KCNH4: variants seen among roughly 807,000 people sequenced by gnomAD.
KCNH4 encodes the protein voltage-gated delayed rectifier potassium channel KCNH4.
In KCNH4, 33 loss-of-function variants were observed where a neutral mutation model predicts 90.7. The observed-to-expected ratio is 0.36, with a 90% CI of 0.28 to 0.49. The LOEUF (loss-of-function observed/expected upper bound fraction) is 0.49, where lower values mean the gene tolerates loss of function less well. KCNH4 is among the 20% of genes least tolerant of loss of function. The pLI, the probability that KCNH4 is intolerant of heterozygous loss-of-function variation, is 0.98. For missense variants in KCNH4, 1,044 were observed against 1,387.1 expected, an observed-to-expected ratio of 0.75 and a Z score of 3.93; for synonymous variants, 551 against 581.7, an observed-to-expected ratio of 0.95 and a Z score of 0.76.
Position 42,165,468 on chromosome 17 carries a change from C to A in KCNH4, c.2066G>T (p.Arg689Leu). 6.2e-7 allele frequency: 1 copy of A among 1,614,056 alleles called. No homozygotes were observed. Among genetic ancestry groups the A allele is most frequent in the Non-Finnish European group, 8.5e-7 (1 of 1,180,008 alleles). Reference sequence around the variant, plus strand: ...ACATACACTGGTGTCAGAGCCCTGGCGCAGGTTGAAGGTGAGGTCCCGGGG... The same window carrying A: ...ACATACACTGGTGTCAGAGCCCTGGAGCAGGTTGAAGGTGAGGTCCCGGGG... ...GLPRDLTFNLRQGSDTSGLSR... is the reference protein window; with the variant it reads ...GLPRDLTFNLLQGSDTSGLSR... The change falls in exon 11 of 17, where the codon CGC becomes CTC. Residue 689 changes from arginine to leucine, a missense_variant. This residue lies in a region of KCNH4 where 441 missense variants were observed against 512.3 expected (regional missense o/e 0.86). Coordinates refer to ENST00000264661, the MANE Select transcript of KCNH4 (RefSeq NM_012285.3).
In KCNH4 at chr17:42,162,263, G is replaced by A; in HGVS notation, c.2643C>T (p.Cys881=). ...CCCAACCCACCTCCTGGTTCAGCCG[G>A]CAAACCTTTTCCTTCACCTCCTCAG... is the stretch of plus-strand genomic sequence containing the variant. ...SEAEEVKEKV[C]RLNQEISRLN... is the part of the protein sequence containing the mutation. Residue 881 remains cysteine, a synonymous_variant, in exon 15 of 17, where the codon TGC becomes TGT. Transcript: ENST00000264661. 6.2e-7 allele frequency: 1 copy of A among 1,613,924 alleles called. No individual in the cohort carries two copies. The highest frequency in any genetic ancestry group is 1.3e-5 in the African/African-American group (1 of 75,008).
At chr17:42,173,990 T>C (rs1302856494) in intron 6 of KCNH4, among the ~76,000 whole-genome samples, 1 of 151,720 alleles carries the variant, frequency 6.6e-6, no homozygotes, top group African/African-American at 2.4e-5. Context: ...GGTGATCCAC[T>C]GCGCCCGGCC....
chr17:42,174,930 G>A (rs1360864450), intron 6 of KCNH4, among the ~76,000 whole-genome samples: 2 of 152,128 alleles, frequency 1.3e-5, no homozygotes, highest in Non-Finnish European at 2.9e-5. Context: ...CACCCTTTAA[G>A]GTCTAGCTAT....
rs112759567 is a variant in KCNH4 at position 42,166,381 on chromosome 17, G to A, written c.1756C>T (p.Arg586Cys). 6.2e-5 allele frequency: 100 copies of A among 1,613,824 alleles called. 1 individual carries two copies. The African/African-American group carries it at 7.7e-4, about 12-fold the overall frequency. ...FCAPGEYLLR[R>C]GDALQAHYYV... ...TAATGTGCCTGCAGGGCATCCCCAC[G>A]GCGCAACAGGTACTCGCCCGGAGCG... The change falls in exon 10 of 17, where the codon CGT (arginine) becomes TGT (cysteine). Residue 586 changes from arginine (R) to cysteine (C), a missense_variant. By Grantham distance (180) the Arg-to-Cys change is radical. Transcript: ENST00000264661.
In KCNH4 at chr17:42,163,621, G is replaced by A. The variant is rs773305892; in HGVS notation, c.2462C>T (p.Pro821Leu). 2.0e-5 allele frequency: 29 copies of A among 1,480,058 alleles called. No individual in the cohort carries two copies. The highest frequency in any genetic ancestry group is 5.4e-5 in the South Asian group (4 of 73,838). 91.7% of individuals were successfully genotyped at this position (1,480,058 alleles called of 1,614,324 possible). A position where few individuals can be genotyped will look rare whatever the true frequency, so the allele number is the denominator to read the frequency against. Residue 821 changes from proline to leucine, a missense_variant, in exon 13 of 17, where the codon CCG (proline) becomes CTG (leucine). Around this residue, in one of 4 missense-constraint regions of KCNH4, gnomAD observed 441 missense variants for 512.3 expected, o/e 0.86. Coordinates refer to ENST00000264661, the MANE Select transcript of KCNH4 (RefSeq NM_012285.3). This position sits in a 1 kb window ranked among gnomAD's most constrained non-coding sequence, Gnocchi z 5.4. The part of the protein sequence containing the change: ...LIPPLGTFGP[P>L]DLSPRIVDGI... ...GGCGTCTCACCGGGGACTGAGGTCC[G>A]GAGGTCCAAAGGTTCCCAGTGGGGG...
rs1169563043 is a variant in KCNH4, at chr17:42,163,964, G to A, written c.2125-6C>T. ...CCGAGGCTTTCTGAGCGGGGCTGCG[G>A]GCAGAGGGGGCAGCTGATGTCGCAG... On this transcript the variant is annotated splice_polypyrimidine_tract_variant and splice_region_variant and intron_variant, in intron 12 of 16. Transcript: ENST00000264661. The surrounding 1 kb of genome is among the most constrained non-coding windows in gnomAD (Gnocchi z 5.4). The A allele has an allele frequency of 6.5e-7, 1 of 1,527,040 alleles. No homozygotes were observed. The highest frequency in any genetic ancestry group is 8.8e-7 in the Non-Finnish European group (1 of 1,137,032). 94.6% of individuals were successfully genotyped at this position (1,527,040 alleles called of 1,614,324 possible).
chr17:42,157,850 C>G (rs1433575271), intron 16 of KCNH4, among the ~76,000 whole-genome samples: 1 of 152,008 alleles, frequency 6.6e-6, no homozygotes, highest in Non-Finnish European at 1.5e-5. Flanking sequence ...CTCCTGGATT[C>G]AAGTCATCCT....
intron 1 of KCNH4, among the ~76,000 whole-genome samples, chr17:42,179,978 T>A (rs905463126): frequency 2.6e-5 from 4 of 152,182 alleles, no homozygotes; most frequent in Admixed American, 6.5e-5. Context: ...GGGATGACTG[T>A]CTGGGGGCAG....
chr17:42,180,754 G>T lies in KCNH4; in HGVS notation c.76+116C>A, dbSNP rs1015506835. 106 of 1,053,288 alleles carry T rather than the reference G, an allele frequency of 1.0e-4. No individual in the cohort carries two copies. The highest frequency in any genetic ancestry group is 8.4e-4 in the Middle Eastern group (4 of 4,780). The allele number at this position is 1,053,288 out of a possible 1,614,324, so 65.2% of individuals were successfully genotyped here. A position where few individuals can be genotyped will look rare whatever the true frequency, so the allele number is the denominator to read the frequency against. On this transcript the variant is annotated intron_variant, in intron 1 of 16. Coordinates refer to ENST00000264661, the MANE Select transcript of KCNH4 (RefSeq NM_012285.3). The surrounding 1 kb of genome is among the most constrained non-coding windows in gnomAD (Gnocchi z 4.7). ...CGCGGCTTTGGGAGTTCCTAGACCCGCACCTCCATTCTCTCCCCTCGCCTC... is the reference window on the plus strand; with the variant it reads ...CGCGGCTTTGGGAGTTCCTAGACCCTCACCTCCATTCTCTCCCCTCGCCTC...
intron 1 of KCNH4, 43 bp from the exon 2 acceptor site, chr17:42,179,069 G>C: frequency 2.7e-6 from 4 of 1,477,250 alleles, no homozygotes; most frequent in Non-Finnish European, 3.8e-6. Context: ...GCTGGGAGGC[G>C]AGCTAGCTTC....
At position 42,159,786 on chromosome 17, in the gene KCNH4, C is replaced by G. The variant is rs1008176873; in HGVS notation, c.*254G>C. The G allele has an allele frequency of 5.4e-6, 2 of 368,884 alleles. No homozygotes were observed. The highest frequency in any genetic ancestry group is 4.4e-5 in the Admixed American group (1 of 22,866). The allele number at this position is 368,884 out of a possible 1,614,324, so 22.9% of individuals were successfully genotyped here. On this transcript the variant is annotated 3_prime_UTR_variant, in exon 16 of 17. Coordinates refer to ENST00000264661, the MANE Select transcript of KCNH4 (RefSeq NM_012285.3). ...TCTCATCTGCCCAGCCCAATGGGCA[C>G]TGCGGTTCATCTCATGCCTGCTGGG...
chr17:42,158,740 C>T lies in KCNH4; in HGVS notation c.*309+991G>A, dbSNP rs1433505373. ...GTCCCAGCTACTTGGGAGCCTGAGG[C>T]AGGAGAATGGCATGAACCCAGGAGG... On this transcript the variant is annotated intron_variant, in intron 16 of 16. Transcript: ENST00000264661. Among the ~76,000 whole-genome samples, 3 of 150,918 alleles carry T rather than the reference C, an allele frequency of 2.0e-5. No individual in the cohort carries two copies. The East Asian group carries it at 5.9e-4, about 29-fold the overall frequency.
intron 15 of KCNH4, among the ~76,000 whole-genome samples, chr17:42,160,843 C>T (rs1352996812): frequency 6.6e-6 from 1 of 151,988 alleles, no homozygotes; most frequent in Non-Finnish European, 1.5e-5. Flanking sequence ...TTCTGGGCTC[C>T]GCCCCAGACA....
chr17:42,172,574 C>G (rs1567641217), intron 6 of KCNH4, among the ~76,000 whole-genome samples: 1 of 144,186 alleles, frequency 6.9e-6, no homozygotes, highest in Non-Finnish European at 1.5e-5. Context: ...CACACACACA[C>G]ACACACACTT....
rs553597035 is a variant in KCNH4, at chr17:42,170,865, G to A, written c.1196-564C>T. On this transcript the variant is annotated intron_variant, in intron 7 of 16. Transcript: ENST00000264661. ...AACGGAAAATCCATCTAGGTGGAGA[G>A]GGAAGACAAAAGAGGAGGATTCCAG... Among the ~76,000 whole-genome samples, 229 of 152,354 alleles carry A rather than the reference G, an allele frequency of 1.5e-3. 1 individual carries two copies. Among genetic ancestry groups the A allele is most frequent in the African/African-American group, 5.3e-3 (220 of 41,580 alleles).
intron 6 of KCNH4, 114 bp downstream of exon 6, chr17:42,175,465 C>T: frequency 1.7e-6 from 2 of 1,202,856 alleles, no homozygotes; most frequent in Admixed American, 3.5e-5. Context: ...TGATAAATAT[C>T]TGCAGATGGA....
At position 42,163,958 on chromosome 17, in the gene KCNH4, G is replaced by A. The variant is rs1181552043; in HGVS notation, c.2125C>T (p.Pro709Ser). The change falls in exon 13 of 17, where the codon CCC becomes TCC. Residue 709 changes from proline to serine, a missense_variant and splice_region_variant. Pro to Ser is a moderately conservative substitution (Grantham distance 74). Coordinates refer to ENST00000264661, the MANE Select transcript of KCNH4 (RefSeq NM_012285.3). The surrounding 1 kb of genome is among the most constrained non-coding windows in gnomAD (Gnocchi z 5.4). ...GAGGAGCCGAGGCTTTCTGAGCGGG[G>A]CTGCGGGCAGAGGGGGCAGCTGATG... ...RFSRSPRLSQ[P>S]RSESLGSSSD... 6.5e-7 allele frequency: 1 copy of A among 1,534,476 alleles called. No individual in the cohort carries two copies.
intron 9 of KCNH4, among the ~76,000 whole-genome samples, chr17:42,168,661 AAAG>A (rs1214792950): frequency 1.3e-5 from 2 of 152,164 alleles, no homozygotes; most frequent in African/African-American, 4.8e-5. Context: ...GAAAAAAAGA[AAAG>A]AAGCAAGAAT....
chr17:42,163,265 A>C lies in KCNH4; in HGVS notation c.2547T>G (p.Pro849=), dbSNP rs1329729851. ...EAPSFRFSRR[P]ELPRPRSQAP... Reference sequence around the variant, plus strand: ...CCTGGGAGCGGGGCCTTGGCAGTTCAGGCCTCCTGCTGAATCGGAATGAAG... The same window carrying C: ...CCTGGGAGCGGGGCCTTGGCAGTTCCGGCCTCCTGCTGAATCGGAATGAAG... Residue 849 remains proline, a synonymous_variant, in exon 14 of 17, where the codon CCT becomes CCG. Coordinates refer to ENST00000264661, the MANE Select transcript of KCNH4 (RefSeq NM_012285.3). The surrounding 1 kb of genome is among the most constrained non-coding windows in gnomAD (Gnocchi z 5.4). The C allele has an allele frequency of 1.2e-6, 2 of 1,614,072 alleles. No individual in the cohort carries two copies. Among genetic ancestry groups the C allele is most frequent in the Admixed American group, 3.3e-5 (2 of 60,028 alleles).
Sources: allele counts gnomAD v4.1 joint callset (sites outside exome capture counted in the v4.1 genomes callset), GRCh38; gene constraint gnomAD v4.1.1; regional missense constraint gnomAD v4.1.1; non-coding constraint Gnocchi (gnomAD v3.1); transcripts MANE v1.5; gene names NCBI Gene and HGNC (gene_info 2026-07-23, HGNC 2026-07-21).